ADA2: variants seen among roughly 807,000 people sequenced by gnomAD.
The protein encoded by ADA2 is adenosine deaminase CECR1.
A neutral mutation model predicts 44.2 loss-of-function variants in ADA2; 29 were observed. That is an observed-to-expected ratio of 0.66 (90% CI 0.49 to 0.89). The LOEUF (loss-of-function observed/expected upper bound fraction) is 0.89, where lower values mean the gene tolerates loss of function less well. Ranked by LOEUF, ADA2 falls within the 40% of genes least tolerant of loss-of-function variation. The pLI is 0.00. For missense variants in ADA2, 637 were observed against 644.8 expected (o/e 0.99, Z 0.13); for synonymous variants, 215 against 234.9 (o/e 0.92, Z 0.77).
chr22:17,194,467 C>T (rs984043427), intron 4 of ADA2, among the ~76,000 whole-genome samples: 2 of 152,212 alleles, frequency 1.3e-5, no homozygotes, highest in Non-Finnish European at 2.9e-5. Flanking sequence ...GCCTGCAGAA[C>T]AGTACTGCTG....
At chr22:17,207,453 G>A (rs1050275334) in intron 2 of ADA2, among the ~76,000 whole-genome samples, 163 bp from the exon 3 acceptor site, 1 of 151,984 alleles carries the variant, frequency 6.6e-6, no homozygotes, top group East Asian at 1.9e-4. Flanking sequence ...TGGGGACAAA[G>A]GGGTGAAGTC....
intron 1 of ADA2, among the ~76,000 whole-genome samples, chr22:17,216,772 AC>A (rs59437200): frequency 0.072 from 7,468 of 103,236 alleles, 206 homozygotes; most frequent in East Asian, 0.26. Context: ...AAAAAAAAAA[AC>A]ACACACACAC....
chr22:17,183,343 A>G (rs2061994832), intron 7 of ADA2, among the ~76,000 whole-genome samples: 1 of 151,914 alleles, frequency 6.6e-6, no homozygotes, highest in Non-Finnish European at 1.5e-5. Context: ...TCAGCCTCCC[A>G]AAGTGCTGGG....
At chr22:17,193,046 G>A in intron 4 of ADA2, 3 of 746,856 alleles carry the variant, frequency 4.0e-6, no homozygotes, top group South Asian at 3.0e-5. Context: ...TTCATAGAAG[G>A]TTCAAGGGCC....
At chr22:17,195,761 C>CTTT (rs59967054) in intron 4 of ADA2, among the ~76,000 whole-genome samples, 22 of 128,784 alleles carry the variant, frequency 1.7e-4, no homozygotes, top group African/African-American at 6.1e-4. Flanking sequence ...AATTTCTTTC[C>CTTT]TTTTTTTTTT....
chr22:17,214,813 A>G lies in ADA2; in HGVS notation c.-47+4543T>C, dbSNP rs9617972. ...AAAACCCTCCTTCCAGGTACTCCTA[A>G]TGGGTATTGCCATGGCAGACATTGC... On this transcript the variant is annotated intron_variant, in intron 1 of 9. Transcript: ENST00000399837. Among the ~76,000 whole-genome samples the G allele has an allele frequency of 5.8e-3, 889 of 152,342 alleles. 4 individuals are homozygous for G. Among genetic ancestry groups the G allele is most frequent in the African/African-American group, 0.021 (856 of 41,576 alleles).
At chr22:17,212,800 G>A (rs931803573) in intron 1 of ADA2, among the ~76,000 whole-genome samples, 3 of 148,258 alleles carry the variant, frequency 2.0e-5, no homozygotes, top group African/African-American at 7.5e-5. Context: ...TTTTCCTTGA[G>A]ACAGGGTCTT....
chr22:17,209,233 G>T, intron 2 of ADA2, 123 bp downstream of exon 2: 1 of 834,688 alleles, frequency 1.2e-6, no homozygotes, highest in Non-Finnish European at 1.9e-6. Context: ...CAGAGGAGCA[G>T]AACAGCTGAG....
chr22:17,193,647 G>C (rs1295476801), intron 4 of ADA2, among the ~76,000 whole-genome samples: 1 of 144,522 alleles, frequency 6.9e-6, no homozygotes, highest in Non-Finnish European at 1.5e-5. Flanking sequence ...CAGCCTGGGT[G>C]ACAGAGCGAG....
chr22:17,203,636 T>C lies in ADA2; in HGVS notation c.680A>G (p.Tyr227Cys). ...GAACTCCTGCATGCTCCGGAAGACA[T>C]AGTCTCTGAACACTGGTGCGTAATG... is the stretch of plus-strand genomic sequence containing the variant. ...LIHYAPVFRD[Y>C]VFRSMQEFYE... Residue 227 changes from tyrosine (Y) to cysteine (C), a missense_variant, in exon 4 of 10, where the codon TAT becomes TGT. Coordinates refer to ENST00000399837, the MANE Select transcript of ADA2 (RefSeq NM_001282225.2). 6.2e-7 allele frequency: 1 copy of C among 1,614,058 alleles called. No individual in the cohort carries two copies. Among genetic ancestry groups the C allele is most frequent in the East Asian group, 2.2e-5 (1 of 44,878 alleles).
chr22:17,203,575 G>C lies in ADA2; in HGVS notation c.741C>G (p.Ala247=). ...GAGCTGGGCTCACCGGCAGCAGCCTGGCTCTGATCTCCATGTAGAGCACGT... is the reference window on the plus strand; with the variant it reads ...GAGCTGGGCTCACCGGCAGCAGCCTCGCTCTGATCTCCATGTAGAGCACGT... The part of the protein sequence containing the change: ...EDNVLYMEIR[A]RLLPVYELSG... Residue 247 remains alanine (A), a synonymous_variant, in exon 4 of 10, where the codon GCC becomes GCG. Coordinates refer to ENST00000399837, the MANE Select transcript of ADA2 (RefSeq NM_001282225.2). 1 of 1,612,034 alleles carries C rather than the reference G, an allele frequency of 6.2e-7. No homozygotes were observed.
intron 2 of ADA2, among the ~76,000 whole-genome samples, chr22:17,207,792 G>C (rs527892901): frequency 6.6e-6 from 1 of 152,052 alleles, no homozygotes; most frequent in African/African-American, 2.4e-5. Flanking sequence ...CCAGGGCCAC[G>C]GTCCTTTTCA....
chr22:17,190,305 G>A (rs1361004282), intron 5 of ADA2, among the ~76,000 whole-genome samples: 2 of 152,192 alleles, frequency 1.3e-5, no homozygotes, highest in Non-Finnish European at 2.9e-5. Context: ...GGACCCACGG[G>A]AACAGTTTTA....
At chr22:17,221,180 A>T (rs1371451758), upstream of ADA2, among the ~76,000 whole-genome samples, 1 of 152,090 alleles carries the variant, frequency 6.6e-6, no homozygotes, top group Non-Finnish European at 1.5e-5. Context: ...ATTTTTTGAA[A>T]GTTAGAGGAA....
intron 4 of ADA2, among the ~76,000 whole-genome samples, chr22:17,193,881 G>C (rs1463230943): frequency 8.0e-5 from 12 of 150,724 alleles, no homozygotes; most frequent in Admixed American, 7.9e-4. Context: ...TAGGGTCAGA[G>C]AGATAGACCT....
chr22:17,187,797 GAAAC>G (rs1167398694), intron 7 of ADA2, among the ~76,000 whole-genome samples: 3 of 152,044 alleles, frequency 2.0e-5, no homozygotes, highest in Non-Finnish European at 4.4e-5. Context: ...AAAAACTGGG[GAAAC>G]AATCAGAAAT....
At position 17,179,039 on chromosome 22, in the gene ADA2, A is replaced by G. The variant is rs2061940492; in HGVS notation, c.*2444T>C. ...GGAACCAAATGGTGATAAACTAGGA[A>G]TGGAGAGAGGGCTTGCTGCTGTCTG... On this transcript the variant is annotated 3_prime_UTR_variant, in exon 10 of 10. Transcript: ENST00000399837. The G allele has an allele frequency of 6.6e-6, 1 of 152,252 alleles. No homozygotes were observed. Among genetic ancestry groups the G allele is most frequent in the South Asian group, 2.1e-4 (1 of 4,832 alleles). 9.4% of individuals were successfully genotyped at this position (152,252 alleles called of 1,614,324 possible).
intron 7 of ADA2, among the ~76,000 whole-genome samples, chr22:17,185,929 T>A (rs1321116262): frequency 6.6e-6 from 1 of 152,152 alleles, no homozygotes; most frequent in Non-Finnish European, 1.5e-5. Flanking sequence ...AAATCTTCCT[T>A]TGGATCTGAA....
intron 3 of ADA2, among the ~76,000 whole-genome samples, chr22:17,204,537 G>T (rs1315997694): frequency 6.6e-6 from 1 of 151,950 alleles, no homozygotes; most frequent in Non-Finnish European, 1.5e-5. Flanking sequence ...TTGAACCCTG[G>T]AAGTGGAGGT....
Sources: gnomAD v4.1 joint callset for allele counts (sites outside exome capture counted in the v4.1 genomes callset) on GRCh38, gnomAD v4.1.1 for gene constraint, MANE v1.5 for transcripts, NCBI Gene and HGNC (gene_info 2026-07-23, HGNC 2026-07-21) for gene names.